Variants in TSPAN8 observed in about 807,000 individuals in gnomAD.
The protein encoded by TSPAN8 is tetraspanin-8.
Under a neutral mutation model 32.8 loss-of-function variants are expected in TSPAN8, and 21 were observed. The observed-to-expected ratio is 0.64, with a 90% CI of 0.45 to 0.92. The LOEUF (loss-of-function observed/expected upper bound fraction) is 0.92, where lower values mean the gene tolerates loss of function less well. TSPAN8 is among the 40% of genes least tolerant of loss of function. The pLI is 0.00. For synonymous variants in TSPAN8, 95 were observed against 94.6 expected, an observed-to-expected ratio of 1.00 and a Z score of -0.03; for missense variants, 269 against 281.9, an observed-to-expected ratio of 0.95 and a Z score of 0.33.
chr12:71,156,269 C>CAAAA (rs1287011627), intron 2 of TSPAN8, among the ~76,000 whole-genome samples: 5 of 32,516 alleles, frequency 1.5e-4, no homozygotes, highest in African/African-American at 5.0e-4. Context: ...AAAAAAAAAA[C>CAAAA]AAACAAAAAA....
Position 71,156,269 on chromosome 12 carries a change from C to CAAAAAAA in TSPAN8, c.60+1349_60+1350insTTTTTTT, listed in dbSNP as rs1287011627. Among the ~76,000 whole-genome samples the CAAAAAAA allele has an allele frequency of 9.2e-5, 3 of 32,524 alleles. 1 individual carries two copies. Among genetic ancestry groups the CAAAAAAA allele is most frequent in the African/African-American group, 3.8e-4 (3 of 7,982 alleles). The allele number at this position is 32,524 out of a possible 152,430, so 21.3% of individuals were successfully genotyped here. ...GTTCTCCAAAAAAAAAAAAAAAAAA[C>CAAAAAAA]AAACAAAAAAAAAACTAGAAACAAA... On this transcript the variant is annotated intron_variant, in intron 2 of 8. Transcript: ENST00000247829.
chr12:71,139,467 T>C (rs1427775890), intron 4 of TSPAN8, among the ~76,000 whole-genome samples: 2 of 152,242 alleles, frequency 1.3e-5, no homozygotes, highest in Non-Finnish European at 2.9e-5. Context: ...GGCAGTAATG[T>C]TGAATGAGTG....
At chr12:71,144,951 AG>A (rs1872025924) in intron 2 of TSPAN8, among the ~76,000 whole-genome samples, 1 of 152,010 alleles carries the variant, frequency 6.6e-6, no homozygotes, top group Non-Finnish European at 1.5e-5. Flanking sequence ...CTTGTCATTC[AG>A]GGTTTAAAAA....
chr12:71,138,827 C>T (rs1871798726), intron 4 of TSPAN8, among the ~76,000 whole-genome samples: 1 of 152,182 alleles, frequency 6.6e-6, no homozygotes, highest in Non-Finnish European at 1.5e-5. Context: ...AAAACTCTGT[C>T]TCTACCGTCC....
chr12:71,131,944 G>A (rs985424449), intron 7 of TSPAN8, among the ~76,000 whole-genome samples: 1 of 152,036 alleles, frequency 6.6e-6, no homozygotes, highest in Non-Finnish European at 1.5e-5. Context: ...CTCCATGAGC[G>A]CAGACATTGT....
At chr12:71,145,271 ACT>A (rs1346883247) in intron 2 of TSPAN8, among the ~76,000 whole-genome samples, 1 of 151,976 alleles carries the variant, frequency 6.6e-6, no homozygotes, top group African/African-American at 2.4e-5. Context: ...GTAACCATAG[ACT>A]CTGTGCTCCC....
At chr12:71,151,382 A>G (rs1872251424) in intron 2 of TSPAN8, among the ~76,000 whole-genome samples, 1 of 152,186 alleles carries the variant, frequency 6.6e-6, no homozygotes, top group Admixed American at 6.5e-5. Context: ...TCTTCTAACA[A>G]GCACTCAATA....
chr12:71,157,278 C>G, intron 2 of TSPAN8: 1 of 217,856 alleles, frequency 4.6e-6, no homozygotes. Context: ...GTTTTTACCA[C>G]AGAGTCCTTA....
chr12:71,146,982 TACC>T (rs1429189619), intron 2 of TSPAN8, among the ~76,000 whole-genome samples: 1 of 152,124 alleles, frequency 6.6e-6, no homozygotes, highest in African/African-American at 2.4e-5. Flanking sequence ...TCTCTACTCA[TACC>T]CAGGGAAAGG....
chr12:71,138,027 T>G lies in TSPAN8; in HGVS notation c.370A>C (p.Asn124His). ...CCTGTGGCGCTCAAAAGCTTTGTGT[T>G]TTCATAGAGAGTTTCATTCACAATG... ...DRIVNETLYE[N>H]TKLLSATGES... Residue 124 changes from asparagine (N) to histidine (H), a missense_variant, in exon 6 of 9, where the codon AAC becomes CAC. Asn to His is a moderately conservative substitution (Grantham distance 68, BLOSUM62 1). Coordinates refer to ENST00000247829, the MANE Select transcript of TSPAN8 (RefSeq NM_004616.3). The G allele has an allele frequency of 1.2e-6, 2 of 1,614,092 alleles. No individual in the cohort carries two copies. Among genetic ancestry groups the G allele is most frequent in the Non-Finnish European group, 1.7e-6 (2 of 1,179,994 alleles).
intron 2 of TSPAN8, among the ~76,000 whole-genome samples, chr12:71,146,754 T>C (rs1008501650): frequency 2.0e-5 from 3 of 152,208 alleles, no homozygotes; most frequent in African/African-American, 7.2e-5. Flanking sequence ...TTGGATGCAA[T>C]TGGTCTGGAC....
intron 6 of TSPAN8, among the ~76,000 whole-genome samples, 159 bp downstream of exon 6, chr12:71,137,794 A>T (rs1463431188): frequency 6.6e-6 from 1 of 152,246 alleles, no homozygotes; most frequent in Non-Finnish European, 1.5e-5. Flanking sequence ...GAAAGTAATT[A>T]CAAATATCTT....
intron 4 of TSPAN8, among the ~76,000 whole-genome samples, chr12:71,138,642 T>C (rs543286857): frequency 1.5e-4 from 23 of 152,330 alleles, no homozygotes; most frequent in African/African-American, 5.5e-4. Flanking sequence ...TCTTGTTACA[T>C]ATATAGATTC....
chr12:71,139,368 T>C (rs1871819981), intron 4 of TSPAN8: 1 of 454,872 alleles, frequency 2.2e-6, no homozygotes, highest in South Asian at 2.0e-5. Context: ...CCACTCCCAC[T>C]GTAGCTATTT....
intron 2 of TSPAN8, among the ~76,000 whole-genome samples, chr12:71,156,203 G>A (rs1171995548): frequency 7.2e-6 from 1 of 139,028 alleles, no homozygotes; most frequent in East Asian, 2.4e-4. Flanking sequence ...CTGGCCAATG[G>A]AGTTGATTAC....
intron 6 of TSPAN8, among the ~76,000 whole-genome samples, chr12:71,136,468 A>T (rs1299488481): frequency 6.6e-6 from 1 of 152,214 alleles, no homozygotes; most frequent in Non-Finnish European, 1.5e-5. Context: ...CTCTCCTAAG[A>T]TTCTGTGAAT....
At chr12:71,136,611 T>C (rs974353514) in intron 6 of TSPAN8, among the ~76,000 whole-genome samples, 1 of 152,210 alleles carries the variant, frequency 6.6e-6, no homozygotes, top group Non-Finnish European at 1.5e-5. Context: ...GAGTTTACTC[T>C]TTAGAGAGTA....
At chr12:71,139,296 C>T in intron 4 of TSPAN8, 1 of 460,546 alleles carries the variant, frequency 2.2e-6, no homozygotes, top group South Asian at 1.6e-5. Flanking sequence ...CATACAAATA[C>T]CTTATTCACT....
chr12:71,152,625 G>C (rs777668797), intron 2 of TSPAN8, among the ~76,000 whole-genome samples: 11 of 152,172 alleles, frequency 7.2e-5, no homozygotes, highest in Non-Finnish European at 1.6e-4. Context: ...AGGAGCTGAT[G>C]TTTATCCTGC....
Sources: allele counts gnomAD v4.1 joint callset (sites outside exome capture counted in the v4.1 genomes callset), GRCh38; gene constraint gnomAD v4.1.1; transcripts MANE v1.5; gene names NCBI Gene and HGNC (gene_info 2026-07-23, HGNC 2026-07-21).